Variants in PPM1D observed in about 807,000 individuals in gnomAD.
PPM1D encodes protein phosphatase, Mg2+/Mn2+ dependent 1D.
In PPM1D, 52 loss-of-function variants were observed where a neutral mutation model predicts 58.3. The observed-to-expected ratio is 0.89, with a 90% confidence interval of 0.71 to 1.12. The LOEUF (loss-of-function observed/expected upper bound fraction) is 1.12, where lower values mean the gene tolerates loss of function less well. PPM1D is among the 50% of genes most tolerant of loss of function. The pLI, the probability that PPM1D is intolerant of heterozygous loss-of-function variation, is 0.00. For missense variants in PPM1D, 564 were observed against 777.2 expected (o/e 0.73, Z 3.26); for synonymous variants, 278 against 285.1 (o/e 0.98, Z 0.25).
At chr17:60,647,849 C>T (rs751580717) in intron 3 of PPM1D, 43 bp from the exon 4 acceptor site, 1 of 1,515,294 alleles carries the variant, frequency 6.6e-7, no homozygotes, top group Admixed American at 1.7e-5. Flanking sequence ...GTACTATTAG[C>T]TTCCAACTAA....
intron 5 of PPM1D, among the ~76,000 whole-genome samples, chr17:60,660,979 C>T (rs946697119): frequency 2.0e-5 from 3 of 151,832 alleles, no homozygotes; most frequent in South Asian, 2.1e-4. Flanking sequence ...TTTGAGAGGC[C>T]GAGGCGGACA....
At chr17:60,644,092 T>C (rs2031191488) in intron 3 of PPM1D, among the ~76,000 whole-genome samples, 1 of 151,890 alleles carries the variant, frequency 6.6e-6, no homozygotes, top group African/African-American at 2.4e-5. Flanking sequence ...TTAGCCAGGC[T>C]GGTCTCCAAC....
intron 1 of PPM1D, among the ~76,000 whole-genome samples, chr17:60,615,880 T>A (rs978462128): frequency 6.6e-6 from 1 of 152,048 alleles, no homozygotes; most frequent in Non-Finnish European, 1.5e-5. Context: ...TAGTAGCTAT[T>A]CACGGGTTCA....
At chr17:60,657,023 T>C in intron 5 of PPM1D, 182 bp downstream of exon 5, 1 of 1,511,220 alleles carries the variant, frequency 6.6e-7, no homozygotes, top group East Asian at 2.5e-5. Flanking sequence ...GCCAGCCATG[T>C]GTACAGCACT....
chr17:60,629,322 A>G (rs540126390), intron 2 of PPM1D, among the ~76,000 whole-genome samples: 3 of 152,336 alleles, frequency 2.0e-5, no homozygotes, highest in African/African-American at 4.8e-5. Context: ...TCTGTGACAC[A>G]TGAAGCTTAC....
Position 60,632,118 on chromosome 17 carries a change from C to T in PPM1D, c.702-1735C>T, listed in dbSNP as rs544949299. On this transcript the variant is annotated intron_variant, in intron 2 of 5. Coordinates refer to ENST00000305921, the MANE Select transcript of PPM1D (RefSeq NM_003620.4). ...CTGAGGCAGGAGAATGGCATGAACC[C>T]GGGAGGCGGAGCTTGCAGTGAGCTG... Among the ~76,000 whole-genome samples the T allele has an allele frequency of 3.9e-5, 6 of 151,956 alleles. No homozygotes were observed. In the South Asian group the frequency reaches 6.2e-4, roughly 16 times the overall value.
At chr17:60,607,408 G>A (rs1458769437) in intron 1 of PPM1D, among the ~76,000 whole-genome samples, 2 of 152,028 alleles carry the variant, frequency 1.3e-5, no homozygotes, top group African/African-American at 2.4e-5. Flanking sequence ...TCAGCTTCCC[G>A]AGTAACTGGG....
At chr17:60,638,202 CTTA>C (rs1235121477) in intron 3 of PPM1D, among the ~76,000 whole-genome samples, 2 of 152,096 alleles carry the variant, frequency 1.3e-5, no homozygotes, top group Non-Finnish European at 2.9e-5. Context: ...GATAAAAGGG[CTTA>C]TAAGAGAAAA....
chr17:60,658,959 AAAT>A (rs142715163), intron 5 of PPM1D, among the ~76,000 whole-genome samples: 7 of 151,774 alleles, frequency 4.6e-5, no homozygotes, highest in African/African-American at 7.3e-5. Flanking sequence ...ACTCCATCTC[AAAT>A]AATAATAATA....
At chr17:60,653,129 T>A (rs1163814461) in intron 4 of PPM1D, among the ~76,000 whole-genome samples, 1 of 152,222 alleles carries the variant, frequency 6.6e-6, no homozygotes, top group Admixed American at 6.5e-5. Context: ...TTTCATAGTT[T>A]GTGAGATCAA....
At position 60,601,200 on chromosome 17, in the gene PPM1D, G is replaced by A. The variant is rs570481796; in HGVS notation, c.472+314G>A. On this transcript the variant is annotated intron_variant, in intron 1 of 5. Transcript: ENST00000305921. Reference sequence around the variant, plus strand: ...CCAGAGGAAACGTGTTTGAAACCTGGCGCCAGATTTTGGCCAAAAGATAAA... The same window carrying A: ...CCAGAGGAAACGTGTTTGAAACCTGACGCCAGATTTTGGCCAAAAGATAAA... Among the ~76,000 whole-genome samples, 512 of 152,320 alleles carry A rather than the reference G, an allele frequency of 3.4e-3. No homozygotes were observed. The highest frequency in any genetic ancestry group is 6.2e-3 in the Non-Finnish European group (420 of 68,020).
chr17:60,601,336 G>T (rs1179446185), intron 1 of PPM1D, among the ~76,000 whole-genome samples: 1 of 152,240 alleles, frequency 6.6e-6, no homozygotes, highest in Non-Finnish European at 1.5e-5. Flanking sequence ...CCTACCGGTG[G>T]TGTCAGTTCT....
rs184264630 is a variant in PPM1D, at chr17:60,606,976, C to A, written c.472+6090C>A. 5.4e-4 allele frequency among the ~76,000 whole-genome samples: 81 copies of A among 151,382 alleles called. 1 individual carries two copies. The South Asian group carries it at 0.014, about 26-fold the overall frequency. Reference sequence around the variant, plus strand: ...CAAAGTAGCTGAGACTACAGGCATGCGCCCAGCTAATTTTTTTTTTTAATT... The same window carrying A: ...CAAAGTAGCTGAGACTACAGGCATGAGCCCAGCTAATTTTTTTTTTTAATT... On this transcript the variant is annotated intron_variant, in intron 1 of 5. Transcript: ENST00000305921.
At chr17:60,645,997 G>A (rs2143699704) in intron 3 of PPM1D, among the ~76,000 whole-genome samples, 1 of 152,026 alleles carries the variant, frequency 6.6e-6, no homozygotes, top group East Asian at 1.9e-4. Flanking sequence ...TAAATTAGCT[G>A]GGCCTGTTGG....
chr17:60,617,336 T>G (rs1367397353), intron 1 of PPM1D, among the ~76,000 whole-genome samples: 1 of 148,138 alleles, frequency 6.8e-6, no homozygotes, highest in Non-Finnish European at 1.5e-5. Context: ...GTAGTAGAAG[T>G]TTTTTTTTTG....
In PPM1D at chr17:60,663,345, A is replaced by G. The variant is rs1372811857; in HGVS notation, c.1611A>G (p.Thr537=). 2.5e-6 allele frequency: 4 copies of G among 1,614,218 alleles called. No individual in the cohort carries two copies. The highest frequency in any genetic ancestry group is 3.3e-5 in the Admixed American group (2 of 60,024). The change falls in exon 6 of 6, where the codon ACA becomes ACG. Residue 537 remains threonine (T), a synonymous_variant. Transcript: ENST00000305921. ...ERTPPTNFKR[T]LEESNSGPLM... ...CCCCTCCAACAAACTTTAAAAGGAC[A>G]TTAGAAGAGTCCAATTCTGGCCCCC... is the stretch of plus-strand genomic sequence containing the variant.
Position 60,623,424 on chromosome 17 carries a change from T to C in PPM1D, c.473-97T>C, listed in dbSNP as rs1017582342. ...AAATTGTTTCCTGTGCTAATTCGAA[T>C]GTTAACATGCTAATTCAGAGTTTGT... On this transcript the variant is annotated intron_variant, in intron 1 of 5. Transcript: ENST00000305921. The C allele has an allele frequency of 3.4e-6, 4 of 1,192,358 alleles. No individual in the cohort carries two copies. The African/African-American group carries it at 6.1e-5, about 18-fold the overall frequency. The allele number at this position is 1,192,358 out of a possible 1,614,324, so 73.9% of individuals were successfully genotyped here.
intron 5 of PPM1D, among the ~76,000 whole-genome samples, chr17:60,662,688 C>G (rs2031545900): frequency 6.6e-6 from 1 of 152,060 alleles, no homozygotes; most frequent in Admixed American, 6.6e-5. Flanking sequence ...TGTTTACCTG[C>G]CAATGGATAG....
At chr17:60,609,444 T>C (rs1314528963) in intron 1 of PPM1D, among the ~76,000 whole-genome samples, 1 of 152,234 alleles carries the variant, frequency 6.6e-6, no homozygotes, top group Non-Finnish European at 1.5e-5. Context: ...TATGCTATTG[T>C]CATCCCTTAT....
Sources: gnomAD v4.1 joint callset for allele counts (sites outside exome capture counted in the v4.1 genomes callset) on GRCh38, gnomAD v4.1.1 for gene constraint, MANE v1.5 for transcripts, NCBI Gene and HGNC (gene_info 2026-07-23, HGNC 2026-07-21) for gene names.